Variants in TRHDE observed in about 807,000 individuals in gnomAD.
TRHDE encodes thyrotropin releasing hormone degrading enzyme, also known as thyrotropin-releasing hormone-degrading ectoenzyme.
A neutral mutation model predicts 125.7 loss-of-function variants in TRHDE; 72 were observed. That is an observed-to-expected ratio of 0.57 (90% CI 0.47 to 0.70). TRHDE has a LOEUF of 0.70. TRHDE is among the 30% of genes least tolerant of loss of function. The probability of loss-of-function intolerance (pLI) is 0.00; values close to 1 mark genes in which losing one functional copy is unlikely to be tolerated. For missense variants in TRHDE, 1,110 were observed against 1,327.1 expected (o/e 0.84, Z 2.54); for synonymous variants, 509 against 509.1 (o/e 1.00, Z 0.00).
chr12:72,473,160 C>T lies in TRHDE; in HGVS notation c.1564C>T (p.Leu522Phe), dbSNP rs1043563655. ...HYFEFVGTDYLYPGWNMEKQR... is the reference protein window; with the variant it reads ...HYFEFVGTDYFYPGWNMEKQR... ...CTTTGAATTTGTTGGTACAGACTAC[C>T]TCTATCCTGGCTGGAACATGGTAAG... The change falls in exon 5 of 19, where the codon CTC becomes TTC. Residue 522 changes from leucine to phenylalanine, a missense_variant. Around this residue, in one of 5 missense-constraint regions of TRHDE, gnomAD observed 527 missense variants for 651.8 expected, o/e 0.81. Transcript: ENST00000261180. 1 of 1,613,558 alleles carries T rather than the reference C, an allele frequency of 6.2e-7. No individual in the cohort carries two copies. The highest frequency in any genetic ancestry group is 1.3e-5 in the African/African-American group (1 of 74,888).
intron 12 of TRHDE, among the ~76,000 whole-genome samples, chr12:72,612,690 A>G (rs1384930178): frequency 6.6e-6 from 1 of 152,220 alleles, no homozygotes; most frequent in Non-Finnish European, 1.5e-5. Context: ...TCATAACATC[A>G]TAACTGGTAT....
At chr12:72,231,127 T>TA (rs1287465269) in intron 2 of TRHDE, among the ~76,000 whole-genome samples, 1 of 151,442 alleles carries the variant, frequency 6.6e-6, no homozygotes, top group African/African-American at 2.4e-5. Context: ...TGTCTTTTGA[T>TA]TAAAAAAATT....
intron 2 of TRHDE, among the ~76,000 whole-genome samples, chr12:72,142,198 T>C (rs1876126852): frequency 6.6e-6 from 1 of 151,538 alleles, no homozygotes; most frequent in Admixed American, 6.6e-5. Flanking sequence ...AAAGGAAGAG[T>C]CATGGGAAAG....
chr12:72,372,066 T>G (rs1190473433), intron 2 of TRHDE, among the ~76,000 whole-genome samples: 4 of 152,196 alleles, frequency 2.6e-5, no homozygotes, highest in Non-Finnish European at 4.4e-5. Context: ...GTTTCCTGAC[T>G]TTTTAATGAT....
At chr12:72,608,028 G>T (rs2136066019) in intron 12 of TRHDE, among the ~76,000 whole-genome samples, 1 of 152,056 alleles carries the variant, frequency 6.6e-6, no homozygotes, top group South Asian at 2.1e-4. Flanking sequence ...AATTATAAAG[G>T]CCTCATATAT....
chr12:72,280,161 T>A (rs1434953802), intron 1 of TRHDE, among the ~76,000 whole-genome samples: 1 of 152,178 alleles, frequency 6.6e-6, no homozygotes, highest in Admixed American at 6.5e-5. Flanking sequence ...CTGCCACTTA[T>A]TAGCTTTAAG....
intron 2 of TRHDE, among the ~76,000 whole-genome samples, chr12:72,199,529 G>A (rs181009190): frequency 8.9e-4 from 135 of 152,310 alleles, no homozygotes; most frequent in African/African-American, 3.1e-3. Context: ...CCACATGGAG[G>A]ATGAGAATAT....
intron 2 of TRHDE, among the ~76,000 whole-genome samples, chr12:72,182,843 G>T (rs1237298299): frequency 6.6e-6 from 1 of 152,170 alleles, no homozygotes; most frequent in Non-Finnish European, 1.5e-5. Context: ...TTGAAACAGG[G>T]AAAATGTCCA....
intron 2 of TRHDE, chr12:72,167,499 A>T (rs1255371452): frequency 2.0e-5 from 3 of 152,334 alleles, no homozygotes; most frequent in African/African-American, 7.2e-5. Flanking sequence ...GCAGTATCCC[A>T]CACAATACTT....
At chr12:72,420,525 C>G (rs902166163) in intron 3 of TRHDE, among the ~76,000 whole-genome samples, 2 of 152,060 alleles carry the variant, frequency 1.3e-5, no homozygotes, top group African/African-American at 4.8e-5. Context: ...TGGTTCTTTG[C>G]ATCATATGGG....
At chr12:72,313,654 C>T (rs925117848) in intron 2 of TRHDE, among the ~76,000 whole-genome samples, 1 of 152,214 alleles carries the variant, frequency 6.6e-6, no homozygotes, top group African/African-American at 2.4e-5. Context: ...GTAATCTTAA[C>T]AAAGTATGGA....
chr12:72,519,203 G>T (rs1172664780), intron 6 of TRHDE, among the ~76,000 whole-genome samples: 1 of 152,074 alleles, frequency 6.6e-6, no homozygotes, highest in Non-Finnish European at 1.5e-5. Context: ...GCCTTGCTAG[G>T]TTGGGGAAGT....
Position 72,665,683 on chromosome 12 carries a change from A to T in TRHDE, c.*2488A>T, listed in dbSNP as rs919821867. 1 of 152,040 alleles carries T rather than the reference A, an allele frequency of 6.6e-6. No individual in the cohort carries two copies. The highest frequency in any genetic ancestry group is 1.5e-5 in the Non-Finnish European group (1 of 67,974). The allele number at this position is 152,040 out of a possible 1,614,324, so 9.4% of individuals were successfully genotyped here. ...CTTTTTTGTCGGCTTTACAAATTAT[A>T]TGTATGCATGAAATAACTAACTGTT... On this transcript the variant is annotated 3_prime_UTR_variant, in exon 19 of 19. Transcript: ENST00000261180.
chr12:72,274,681 G>A (rs1592512468), intron 1 of TRHDE: 1 of 152,206 alleles, frequency 6.6e-6, no homozygotes, highest in African/African-American at 2.4e-5. Context: ...AGAGTGAGCA[G>A]ACAAAGCACG....
chr12:72,626,479 A>G (rs987748148), intron 15 of TRHDE, among the ~76,000 whole-genome samples: 3 of 151,904 alleles, frequency 2.0e-5, no homozygotes, highest in African/African-American at 7.2e-5. Context: ...TCTACCCTCT[A>G]TAAGTTTTGA....
At chr12:72,613,352 G>A (rs1219903612) in intron 12 of TRHDE, among the ~76,000 whole-genome samples, 5 of 152,110 alleles carry the variant, frequency 3.3e-5, no homozygotes, top group Non-Finnish European at 5.9e-5. Flanking sequence ...TAAAATAGAT[G>A]AGCAAAAATA....
chr12:72,188,121 A>G lies in TRHDE; in HGVS notation n.279+82369A>G, dbSNP rs114942238. Among the ~76,000 whole-genome samples, 274 of 152,374 alleles carry G rather than the reference A, an allele frequency of 1.8e-3. 1 individual carries two copies. Among genetic ancestry groups the G allele is most frequent in the African/African-American group, 6.1e-3 (255 of 41,602 alleles). On this transcript the variant is annotated intron_variant and non_coding_transcript_variant, in intron 2 of 4. Coordinates refer to the TRHDE transcript ENST00000548156. ...AACAAAGCAACCATATAGAGAATTTACACAGCAATGACATATATTGTTGAC... is the reference window on the plus strand; with the variant it reads ...AACAAAGCAACCATATAGAGAATTTGCACAGCAATGACATATATTGTTGAC...
At chr12:72,218,778 T>G (rs1276689746) in intron 2 of TRHDE, among the ~76,000 whole-genome samples, 1 of 152,110 alleles carries the variant, frequency 6.6e-6, no homozygotes, top group African/African-American at 2.4e-5. Context: ...TCTCCCTTCT[T>G]CTTATAAGGA....
At chr12:72,412,090 G>C (rs1369990685) in intron 3 of TRHDE, among the ~76,000 whole-genome samples, 1 of 151,950 alleles carries the variant, frequency 6.6e-6, no homozygotes, top group African/African-American at 2.4e-5. Flanking sequence ...ATAAAACCCA[G>C]TACCTATAAA....
Sources: gnomAD v4.1 joint callset for allele counts (sites outside exome capture counted in the v4.1 genomes callset) on GRCh38, gnomAD v4.1.1 for gene constraint, gnomAD v4.1.1 regional missense constraint, MANE v1.5 for transcripts, NCBI Gene and HGNC (gene_info 2026-07-23, HGNC 2026-07-21) for gene names.